MAST4: variants seen among roughly 807,000 people sequenced by gnomAD.
The protein encoded by MAST4 is microtubule-associated serine/threonine-protein kinase 4.
Under a neutral mutation model 162.7 loss-of-function variants are expected in MAST4, and 89 were observed. That is an observed-to-expected ratio of 0.55 (90% CI 0.46 to 0.65). MAST4 has a LOEUF of 0.65. MAST4 is among the 30% of genes least tolerant of loss of function. The pLI, the probability that MAST4 is intolerant of heterozygous loss-of-function variation, is 0.00. For missense variants in MAST4, 3,153 were observed against 3,374.0 expected, an observed-to-expected ratio of 0.93 and a Z score of 1.62; for synonymous variants, 1,479 against 1,361.1, an observed-to-expected ratio of 1.09 and a Z score of -1.91.
chr5:66,858,330 T>C (rs947438824), intron 3 of MAST4, among the ~76,000 whole-genome samples: 7 of 152,136 alleles, frequency 4.6e-5, no homozygotes, highest in African/African-American at 1.4e-4. Flanking sequence ...TTTAAAGTTG[T>C]GTTTTGACAT....
At chr5:66,965,273 A>G (rs1008445521) in intron 4 of MAST4, among the ~76,000 whole-genome samples, 1 of 122,708 alleles carries the variant, frequency 8.1e-6, no homozygotes, top group Non-Finnish European at 1.7e-5. Flanking sequence ...TGCTCTTCTA[A>G]TGTGTCCATT....
At chr5:67,024,877 G>T (rs754586175) in intron 4 of MAST4, among the ~76,000 whole-genome samples, 1 of 151,720 alleles carries the variant, frequency 6.6e-6, no homozygotes, top group Non-Finnish European at 1.5e-5. Context: ...ATGAAACAGC[G>T]TAATGAGATG....
chr5:66,774,352 C>A (rs921529699), intron 2 of MAST4, among the ~76,000 whole-genome samples: 2 of 152,248 alleles, frequency 1.3e-5, no homozygotes, highest in East Asian at 1.9e-4. Context: ...GTGGCGTATA[C>A]GTAAATAACA....
intron 1 of MAST4, among the ~76,000 whole-genome samples, chr5:66,742,458 C>T (rs1782641840): frequency 6.6e-6 from 1 of 152,014 alleles, no homozygotes; most frequent in East Asian, 1.9e-4. Flanking sequence ...TGTTTATAGA[C>T]ATGGTTAAAA....
At chr5:66,722,307 C>T (rs547848456) in intron 1 of MAST4, among the ~76,000 whole-genome samples, 112 of 152,076 alleles carry the variant, frequency 7.4e-4, no homozygotes, top group Non-Finnish European at 1.0e-3. Flanking sequence ...CTATTTTGAG[C>T]CTCTGTGTAG....
At chr5:66,702,945 G>A (rs1198683637) in intron 1 of MAST4, among the ~76,000 whole-genome samples, 1 of 152,212 alleles carries the variant, frequency 6.6e-6, no homozygotes, top group Non-Finnish European at 1.5e-5. Flanking sequence ...AGATGCCCTT[G>A]TAGGAGTTCA....
chr5:66,765,338 A>G (rs1754045850), intron 2 of MAST4, among the ~76,000 whole-genome samples: 1 of 152,164 alleles, frequency 6.6e-6, no homozygotes, highest in Non-Finnish European at 1.5e-5. Flanking sequence ...ACTGATATAA[A>G]ATGGTGTAGT....
At chr5:66,743,507 G>C (rs769102404) in intron 1 of MAST4, among the ~76,000 whole-genome samples, 10 of 152,256 alleles carry the variant, frequency 6.6e-5, no homozygotes, top group Non-Finnish European at 1.5e-4. Flanking sequence ...ATTTGGAAGT[G>C]CTTTGGGCAG....
At chr5:66,713,785 G>A (rs146073198) in intron 1 of MAST4, among the ~76,000 whole-genome samples, 3 of 152,092 alleles carry the variant, frequency 2.0e-5, no homozygotes, top group African/African-American at 7.2e-5. Flanking sequence ...TAGAACTGAG[G>A]TTCTAATCTA....
chr5:66,858,903 T>C (rs192049906), intron 3 of MAST4, among the ~76,000 whole-genome samples: 2 of 152,300 alleles, frequency 1.3e-5, no homozygotes, highest in Admixed American at 6.5e-5. Context: ...AGATACCTTA[T>C]GATTTTTATT....
At position 66,905,943 on chromosome 5, in the gene MAST4, C is replaced by G. The variant is rs141045046; in HGVS notation, c.674+5961C>G. Among the ~76,000 whole-genome samples, 73 of 152,276 alleles carry G rather than the reference C, an allele frequency of 4.8e-4. 1 individual carries two copies. The highest frequency in any genetic ancestry group is 9.9e-4 in the Non-Finnish European group (67 of 68,008). On this transcript the variant is annotated intron_variant, in intron 4 of 28. Transcript: ENST00000403625. ...GTCAGGCCTTAAAAGGTATCAGACT[C>G]TTAATCTCTCCTGAATCAGGAAAAG...
intron 4 of MAST4, among the ~76,000 whole-genome samples, chr5:66,940,850 T>C (rs1477378922): frequency 1.3e-5 from 2 of 152,158 alleles, no homozygotes; most frequent in African/African-American, 4.8e-5. Context: ...GAAAAATATT[T>C]CTTAAATAAC....
chr5:66,865,036 G>A (rs1390726933), intron 3 of MAST4, among the ~76,000 whole-genome samples: 1 of 152,170 alleles, frequency 6.6e-6, no homozygotes, highest in Non-Finnish European at 1.5e-5. Flanking sequence ...GAGAACAGGA[G>A]AGAAAAACTG....
chr5:67,056,319 A>G (rs1317448802), intron 5 of MAST4, among the ~76,000 whole-genome samples: 1 of 152,154 alleles, frequency 6.6e-6, no homozygotes, highest in East Asian at 1.9e-4. Context: ...AGAGGGTCAA[A>G]CAGTGCCAGA....
At chr5:66,928,511 T>G (rs923846513) in intron 4 of MAST4, among the ~76,000 whole-genome samples, 1 of 152,206 alleles carries the variant, frequency 6.6e-6, no homozygotes, top group African/African-American at 2.4e-5. Context: ...AGGCAAAATC[T>G]AGTTTATCAA....
chr5:66,780,261 T>C (rs936168721), intron 2 of MAST4, among the ~76,000 whole-genome samples: 6 of 152,252 alleles, frequency 3.9e-5, no homozygotes, highest in African/African-American at 1.4e-4. Context: ...TGTTACACTT[T>C]CTATGAAAGA....
intron 5 of MAST4, among the ~76,000 whole-genome samples, chr5:67,060,759 T>C (rs952545608): frequency 5.3e-5 from 8 of 152,092 alleles, no homozygotes; most frequent in Non-Finnish European, 8.8e-5. Context: ...ATCACTATTA[T>C]AACCCAGTGC....
chr5:66,801,418 A>G lies in MAST4; in HGVS notation c.642+12624A>G, dbSNP rs550247456. 3.3e-5 allele frequency among the ~76,000 whole-genome samples: 5 copies of G among 152,336 alleles called. No individual in the cohort carries two copies. In the East Asian group the frequency reaches 9.6e-4, roughly 29 times the overall value. On this transcript the variant is annotated intron_variant, in intron 3 of 28. Transcript: ENST00000403625. ...CCATCAGTACTGGTACATACCAGCT[A>G]TCAGCTTCAATATCAACATATGAAA... is the stretch of plus-strand genomic sequence containing the variant.
chr5:66,668,677 G>A (rs62359961), intron 1 of MAST4, among the ~76,000 whole-genome samples: 1 of 152,086 alleles, frequency 6.6e-6, no homozygotes, highest in Non-Finnish European at 1.5e-5. Flanking sequence ...ATATTGTCTG[G>A]TACATAGCAA....
Sources: gnomAD v4.1 joint callset for allele counts (sites outside exome capture counted in the v4.1 genomes callset) on GRCh38, gnomAD v4.1.1 for gene constraint, MANE v1.5 for transcripts, NCBI Gene and HGNC (gene_info 2026-07-23, HGNC 2026-07-21) for gene names.